The following REDIC1 variants were observed in gnomAD, a reference collection of about 807,000 sequenced individuals.
REDIC1 encodes the protein HEI10 Interacting Protein 1.
chr12:39,769,872 T>C, the REDIC1 span, among the ~76,000 whole-genome samples: 880 of 152,182 alleles, frequency 5.8e-3, 8 homozygotes, highest in African/African-American at 0.02. Flanking sequence ...CCCTCCCAGA[T>C]GCTGGCTAAC....
the REDIC1 span, among the ~76,000 whole-genome samples, chr12:39,903,544 C>A: frequency 0.012 from 1,766 of 152,106 alleles, 28 homozygotes; most frequent in African/African-American, 0.039. Flanking sequence ...TCTGGGGTCC[C>A]TCCGTATGTG....
the REDIC1 span, among the ~76,000 whole-genome samples, chr12:39,768,833 A>G: frequency 1.3e-5 from 2 of 152,130 alleles, no homozygotes; most frequent in Non-Finnish European, 2.9e-5. Context: ...TATTGGAAAT[A>G]TGGTGACAAT....
the REDIC1 span, among the ~76,000 whole-genome samples, chr12:39,632,389 C>T: frequency 2.0e-5 from 3 of 152,136 alleles, no homozygotes; most frequent in African/African-American, 7.2e-5. Context: ...TGAGCCACTG[C>T]ACCCAGCCAG....
At chr12:39,740,035 C>T in the REDIC1 span, among the ~76,000 whole-genome samples, 4 of 152,138 alleles carry the variant, frequency 2.6e-5, no homozygotes, top group African/African-American at 9.7e-5. Context: ...GCCACACAGC[C>T]AACATGGCAG....
At chr12:39,890,953 T>C in the REDIC1 span, among the ~76,000 whole-genome samples, 2 of 152,144 alleles carry the variant, frequency 1.3e-5, no homozygotes, top group Non-Finnish European at 1.5e-5. Context: ...ACATACATGA[T>C]GCAAAGTGAA....
the REDIC1 span, among the ~76,000 whole-genome samples, chr12:39,821,464 C>T: frequency 5.9e-5 from 9 of 151,984 alleles, no homozygotes; most frequent in Admixed American, 5.3e-4. Context: ...GGGTATCTTG[C>T]TATATCAGTC....
chr12:39,646,608 C>A, the REDIC1 span: 2 of 743,848 alleles, frequency 2.7e-6, no homozygotes, highest in African/African-American at 1.9e-5. Flanking sequence ...ATGATTAAGA[C>A]CTTCATCAAA....
chr12:39,892,204 T>C, the REDIC1 span, among the ~76,000 whole-genome samples: 1 of 152,246 alleles, frequency 6.6e-6, no homozygotes, highest in East Asian at 1.9e-4. Context: ...TATATTTCTG[T>C]AATTAATAAG....
At chr12:39,711,567 A>G in the REDIC1 span, among the ~76,000 whole-genome samples, 1 of 13,572 alleles carries the variant, frequency 7.4e-5, no homozygotes, top group South Asian at 2.0e-3. Context: ...ATGCATGTGT[A>G]TATGTGCATA....
chr12:39,782,549 G>C, the REDIC1 span, among the ~76,000 whole-genome samples: 1 of 152,084 alleles, frequency 6.6e-6, no homozygotes, highest in Non-Finnish European at 1.5e-5. Flanking sequence ...TTTCTTCCCA[G>C]TTTTGGGTAT....
At chr12:39,861,270 T>C in the REDIC1 span, among the ~76,000 whole-genome samples, 493 of 152,340 alleles carry the variant, frequency 3.2e-3, 1 homozygote, top group African/African-American at 0.011. Context: ...ATTGAGTGCT[T>C]ATTATGTGCC....
the REDIC1 span, chr12:39,764,662 T>A: frequency 6.3e-7 from 1 of 1,581,578 alleles, no homozygotes; most frequent in Non-Finnish European, 8.6e-7. Context: ...GTAAGAAATT[T>A]GAAAAATTAT....
the REDIC1 span, among the ~76,000 whole-genome samples, chr12:39,814,197 T>G: frequency 6.6e-6 from 1 of 152,210 alleles, no homozygotes; most frequent in Non-Finnish European, 1.5e-5. Context: ...TGATGTAGAT[T>G]GTACTGCTGG....
the REDIC1 span, among the ~76,000 whole-genome samples, chr12:39,827,340 A>T: frequency 6.6e-6 from 1 of 152,162 alleles, no homozygotes; most frequent in East Asian, 1.9e-4. Flanking sequence ...TGAGCAGCAG[A>T]GAAGTAGGTA....
the REDIC1 span, among the ~76,000 whole-genome samples, chr12:39,726,457 G>C: frequency 6.6e-6 from 1 of 152,040 alleles, no homozygotes; most frequent in Non-Finnish European, 1.5e-5. Flanking sequence ...ATGATGGTTT[G>C]AAGCTTCATC....
chr12:39,650,225 A>AT, the REDIC1 span: 4,776 of 1,398,594 alleles, frequency 3.4e-3, no homozygotes, highest in South Asian at 0.01. This position sits in a 1 kb window ranked among gnomAD's most constrained non-coding sequence, Gnocchi z 4.3. Context: ...GTTTCTTCAA[A>AT]TTTTTTTTTT....
chr12:39,706,232 A>G, the REDIC1 span, among the ~76,000 whole-genome samples: 1 of 152,038 alleles, frequency 6.6e-6, no homozygotes, highest in Middle Eastern at 3.2e-3. Flanking sequence ...AATAAAGTTA[A>G]GTACCTAGGA....
the REDIC1 span, among the ~76,000 whole-genome samples, chr12:39,713,818 C>T: frequency 6.8e-6 from 1 of 146,120 alleles, no homozygotes; most frequent in South Asian, 2.1e-4. Flanking sequence ...TGTATATATA[C>T]GTGTATACAT....
At chr12:39,680,512 C>T in the REDIC1 span, among the ~76,000 whole-genome samples, 1 of 152,112 alleles carries the variant, frequency 6.6e-6, no homozygotes, top group South Asian at 2.1e-4. Context: ...AAAGGGAATA[C>T]TTTTACACTG....
Sources: allele counts gnomAD v4.1 joint callset (sites outside exome capture counted in the v4.1 genomes callset), GRCh38; gene constraint gnomAD v4.1.1; non-coding constraint Gnocchi (gnomAD v3.1); transcripts MANE v1.5; gene names NCBI Gene and HGNC (gene_info 2026-07-23, HGNC 2026-07-21).